The following SKAP2 variants were observed in gnomAD, a reference collection of about 807,000 sequenced individuals.
SKAP2 encodes the protein src kinase-associated phosphoprotein 2.
Under a neutral mutation model 54.9 loss-of-function variants are expected in SKAP2, and 28 were observed. That is an observed-to-expected ratio of 0.51 (90% CI 0.38 to 0.70). SKAP2 has a LOEUF of 0.70. Among genes scored for constraint, SKAP2 ranks in the 30% least tolerant of loss-of-function variants. SKAP2 has a pLI of 0.00. For synonymous variants in SKAP2, 137 were observed against 134.3 expected (o/e 1.02, Z -0.14); for missense variants, 356 against 424.1 (o/e 0.84, Z 1.41).
intron 9 of SKAP2, among the ~76,000 whole-genome samples, chr7:26,715,478 C>T (rs1387700956): frequency 6.6e-6 from 1 of 151,726 alleles, no homozygotes; most frequent in East Asian, 1.9e-4. Context: ...TAATTCTCCC[C>T]AAAGAATTAA....
chr7:26,814,253 G>T (rs1784218913), intron 4 of SKAP2, among the ~76,000 whole-genome samples: 1 of 152,026 alleles, frequency 6.6e-6, no homozygotes, highest in African/African-American at 2.4e-5. Context: ...ATTTAGTGGA[G>T]AATTCATTTT....
At chr7:26,789,983 A>G (rs1024905810) in intron 4 of SKAP2, among the ~76,000 whole-genome samples, 1 of 152,164 alleles carries the variant, frequency 6.6e-6, no homozygotes, top group Non-Finnish European at 1.5e-5. Context: ...CTGCAATGAT[A>G]TATTACCAGT....
At chr7:26,796,836 G>T (rs1332509290) in intron 4 of SKAP2, among the ~76,000 whole-genome samples, 1 of 152,088 alleles carries the variant, frequency 6.6e-6, no homozygotes, top group Non-Finnish European at 1.5e-5. Context: ...AGTTAGTTTT[G>T]GGGGAGTCAA....
intron 9 of SKAP2, among the ~76,000 whole-genome samples, chr7:26,697,850 A>C (rs1002440043): frequency 6.6e-6 from 1 of 152,170 alleles, no homozygotes; most frequent in Non-Finnish European, 1.5e-5. Context: ...TAAATAAAAT[A>C]CCCCAAATGC....
chr7:26,749,083 A>T (rs565342273), intron 4 of SKAP2, among the ~76,000 whole-genome samples: 29 of 152,186 alleles, frequency 1.9e-4, no homozygotes, highest in Non-Finnish European at 3.1e-4. Flanking sequence ...CAAATTTGCC[A>T]CAAGTCCATT....
chr7:26,745,321 G>C (rs755879382), intron 4 of SKAP2, among the ~76,000 whole-genome samples: 1 of 152,208 alleles, frequency 6.6e-6, no homozygotes, highest in Non-Finnish European at 1.5e-5. Flanking sequence ...CACATGATGT[G>C]AGTTTTCCCT....
chr7:26,782,489 A>G (rs1044407328), intron 4 of SKAP2, among the ~76,000 whole-genome samples: 1 of 152,216 alleles, frequency 6.6e-6, no homozygotes, highest in Non-Finnish European at 1.5e-5. Context: ...CCCCAAATTC[A>G]TATATTAAAA....
intron 11 of SKAP2, among the ~76,000 whole-genome samples, chr7:26,677,321 G>T (rs1786371777): frequency 6.6e-6 from 1 of 151,262 alleles, no homozygotes; most frequent in African/African-American, 2.4e-5. Flanking sequence ...GAACCCGGGA[G>T]GCAGAGGTTG....
In SKAP2 at chr7:26,690,337, C is replaced by T; in HGVS notation, c.822G>A (p.Val274=). The T allele has an allele frequency of 6.2e-7, 1 of 1,611,388 alleles. No homozygotes were observed. The highest frequency in any genetic ancestry group is 8.5e-7 in the Non-Finnish European group (1 of 1,177,532). The change falls in exon 10 of 13, where the codon GTG becomes GTA. Residue 274 remains valine (V), a synonymous_variant. Transcript: ENST00000345317. ...TCATCTTCCTTTGTTCTTCCACTTT[C>T]ACTGGAGCACTGTCCTCTTCTTCTT... ...LPEEEEDSAP[V]KVEEQRKMSQ... is the part of the protein sequence containing the mutation.
intron 6 of SKAP2, among the ~76,000 whole-genome samples, chr7:26,738,460 A>T (rs1782352468): frequency 6.6e-6 from 1 of 152,124 alleles, no homozygotes; most frequent in South Asian, 2.1e-4. Flanking sequence ...CTGCCATTGA[A>T]ACTCTCACAA....
chr7:26,683,698 CATT>C (rs1364286296), intron 11 of SKAP2, among the ~76,000 whole-genome samples: 2 of 152,160 alleles, frequency 1.3e-5, no homozygotes, highest in Admixed American at 6.6e-5. Context: ...AGATTATCAT[CATT>C]GAGACTCATC....
At position 26,727,092 on chromosome 7, in the gene SKAP2, T is replaced by C. The variant is rs978394414; in HGVS notation, c.470-86A>G. On this transcript the variant is annotated intron_variant, in intron 6 of 12. Coordinates refer to ENST00000345317, the MANE Select transcript of SKAP2 (RefSeq NM_003930.5). ...TATGTAAAATTTCTTCATCAATTCT[T>C]GGAAATAACATTTTTTGGTCATATT... The C allele has an allele frequency of 2.5e-5, 28 of 1,134,484 alleles. No individual in the cohort carries two copies. In the African/African-American group the frequency reaches 4.2e-4, roughly 17 times the overall value. The allele number at this position is 1,134,484 out of a possible 1,614,324, so 70.3% of individuals were successfully genotyped here. A position where few individuals can be genotyped will look rare whatever the true frequency, so the allele number is the denominator to read the frequency against.
chr7:26,810,539 C>T (rs896028138), intron 4 of SKAP2, among the ~76,000 whole-genome samples: 1 of 152,030 alleles, frequency 6.6e-6, no homozygotes, highest in Non-Finnish European at 1.5e-5. Context: ...TTGAAAATTG[C>T]TAACAGTGGA....
intron 9 of SKAP2, 91 bp downstream of exon 9, chr7:26,725,337 G>A (rs375455255): frequency 6.8e-6 from 6 of 881,850 alleles, no homozygotes; most frequent in Admixed American, 2.7e-5. Flanking sequence ...TCAAGCTGTC[G>A]AGGACAAATC....
chr7:26,860,321 A>G (rs1243201680), intron 1 of SKAP2, among the ~76,000 whole-genome samples: 1 of 152,196 alleles, frequency 6.6e-6, no homozygotes, highest in African/African-American at 2.4e-5. Context: ...ATCTTAATTC[A>G]TCTATATTAT....
chr7:26,767,279 A>G (rs1034503385), intron 4 of SKAP2, among the ~76,000 whole-genome samples: 25 of 152,118 alleles, frequency 1.6e-4, no homozygotes, highest in Non-Finnish European at 2.9e-4. Context: ...GTATTCTCTG[A>G]CAGTAGTCTG....
intron 4 of SKAP2, among the ~76,000 whole-genome samples, chr7:26,793,624 G>A (rs577085683): frequency 2.9e-4 from 44 of 152,246 alleles, no homozygotes; most frequent in African/African-American, 1.0e-3. Flanking sequence ...CCAAATAAGA[G>A]GTACATAATC....
chr7:26,741,950 C>A (rs10254467), intron 4 of SKAP2, among the ~76,000 whole-genome samples: 13,140 of 151,848 alleles, frequency 0.087, 615 homozygotes, highest in Middle Eastern at 0.16. Flanking sequence ...CCAGTAAACA[C>A]CACACAGTAT....
chr7:26,825,685 T>A (rs185053008), intron 4 of SKAP2, among the ~76,000 whole-genome samples: 9 of 152,126 alleles, frequency 5.9e-5, no homozygotes, highest in Middle Eastern at 3.4e-3. Flanking sequence ...AATAAGAATT[T>A]AAAAATTAAC....
Sources: gnomAD v4.1 joint callset for allele counts (sites outside exome capture counted in the v4.1 genomes callset) on GRCh38, gnomAD v4.1.1 for gene constraint, MANE v1.5 for transcripts, NCBI Gene and HGNC (gene_info 2026-07-23, HGNC 2026-07-21) for gene names.